The following BCAR3 variants were observed in gnomAD, a reference collection of about 807,000 sequenced individuals.
BCAR3 encodes BCAR3 adaptor protein, NSP family member.
A neutral mutation model predicts 80.1 loss-of-function variants in BCAR3; 37 were observed. The ratio of observed to expected loss-of-function variants is 0.46; its 90% CI spans 0.36 to 0.61. The LOEUF is 0.61. Among genes scored for constraint, BCAR3 ranks in the 20% least tolerant of loss-of-function variants. The pLI is 0.00. For synonymous variants in BCAR3, 389 were observed against 418.9 expected (o/e 0.93, Z 0.87); for missense variants, 978 against 1,068.2 (o/e 0.92, Z 1.18).
intron 2 of BCAR3, among the ~76,000 whole-genome samples, chr1:93,803,375 C>T (rs1653554392): frequency 6.6e-6 from 1 of 152,172 alleles, no homozygotes; most frequent in Non-Finnish European, 1.5e-5. Flanking sequence ...GACCTGTTTC[C>T]TTTCTTCCTT....
chr1:93,694,825 C>T (rs915916441), intron 3 of BCAR3, among the ~76,000 whole-genome samples: 1 of 152,232 alleles, frequency 6.6e-6, no homozygotes, highest in African/African-American at 2.4e-5. Flanking sequence ...CCTAATTCAC[C>T]CTGGAAATGG....
In BCAR3 at chr1:93,592,239, G is replaced by A. The variant is rs1030713903; in HGVS notation, c.486+26C>T. 18 of 1,612,988 alleles carry A rather than the reference G, an allele frequency of 1.1e-5. No individual in the cohort carries two copies. The highest frequency in any genetic ancestry group is 1.4e-5 in the Non-Finnish European group (16 of 1,179,966). On this transcript the variant is annotated intron_variant, in intron 4 of 11. Transcript: ENST00000260502. This position sits in a 1 kb window ranked among gnomAD's most constrained non-coding sequence, Gnocchi z 4.8. The stretch of plus-strand genomic sequence containing the variant: ...ACATTGCCTGAGAGCAGCCGTGTAT[G>A]CTCTGGAAGGGACAAGACCAGGTAC...
chr1:93,648,955 GAC>G (rs1166346365), intron 2 of BCAR3: 1 of 152,274 alleles, frequency 6.6e-6, no homozygotes, highest in African/African-American at 2.4e-5. Flanking sequence ...TCCACAGTGA[GAC>G]TGACTGCTCT....
chr1:93,817,784 C>T (rs908402384), intron 2 of BCAR3, among the ~76,000 whole-genome samples: 1 of 152,060 alleles, frequency 6.6e-6, no homozygotes, highest in African/African-American at 2.4e-5. Flanking sequence ...CTGACTAGCC[C>T]TGTTTACCCC....
intron 2 of BCAR3, among the ~76,000 whole-genome samples, chr1:93,708,363 T>C (rs1649897859): frequency 6.6e-6 from 1 of 152,120 alleles, no homozygotes; most frequent in Non-Finnish European, 1.5e-5. Flanking sequence ...GTAGGATGAG[T>C]CCAAAAACCA....
intron 2 of BCAR3, among the ~76,000 whole-genome samples, chr1:93,766,386 A>G (rs1287879316): frequency 6.6e-6 from 1 of 152,244 alleles, no homozygotes; most frequent in Non-Finnish European, 1.5e-5. Context: ...TGTGCTGGGC[A>G]GTCTTGGAGA....
intron 3 of BCAR3, among the ~76,000 whole-genome samples, chr1:93,605,834 C>T (rs1390406730): frequency 6.6e-6 from 1 of 152,072 alleles, no homozygotes; most frequent in African/African-American, 2.4e-5. Flanking sequence ...CAAAATGCAC[C>T]GTAGTTGAAA....
At chr1:93,846,419 T>C (rs879709245) in intron 1 of BCAR3, among the ~76,000 whole-genome samples, 1 of 150,994 alleles carries the variant, frequency 6.6e-6, no homozygotes, top group Non-Finnish European at 1.5e-5. Flanking sequence ...GGCCGGGCGT[T>C]CGGTCTCGCC....
intron 2 of BCAR3, among the ~76,000 whole-genome samples, chr1:93,777,520 CTCT>C (rs1571120301): frequency 6.6e-6 from 1 of 151,204 alleles, no homozygotes; most frequent in South Asian, 2.1e-4. Flanking sequence ...CCACCTCTTC[CTCT>C]TCTTCTTTCC....
intron 2 of BCAR3, among the ~76,000 whole-genome samples, chr1:93,647,276 C>T (rs1313586871): frequency 6.6e-6 from 1 of 152,152 alleles, no homozygotes; most frequent in Non-Finnish European, 1.5e-5. Flanking sequence ...CCCACAGAAT[C>T]ATAGGACTGT....
chr1:93,819,928 C>T (rs1644956661), intron 2 of BCAR3, among the ~76,000 whole-genome samples: 2 of 152,128 alleles, frequency 1.3e-5, no homozygotes, highest in African/African-American at 4.8e-5. Flanking sequence ...TATCCTCCAC[C>T]CTCAAGTAGG....
At chr1:93,830,836 C>T (rs184084704) in intron 2 of BCAR3, among the ~76,000 whole-genome samples, 2 of 152,270 alleles carry the variant, frequency 1.3e-5, no homozygotes, top group East Asian at 3.9e-4. Context: ...CCACCTACCA[C>T]CTCAGGTCTT....
At chr1:93,668,599 G>A (rs969028466) in intron 2 of BCAR3, among the ~76,000 whole-genome samples, 1 of 152,046 alleles carries the variant, frequency 6.6e-6, no homozygotes, top group African/African-American at 2.4e-5. Context: ...TTCAACCCAT[G>A]GACTATTACT....
rs1032298687 is a variant in BCAR3 at position 93,758,031 on chromosome 1, G to T, written c.-62-51889C>A. 5.3e-5 allele frequency among the ~76,000 whole-genome samples: 8 copies of T among 152,318 alleles called. No homozygotes were observed. In the South Asian group the frequency reaches 6.2e-4, roughly 12 times the overall value. On this transcript the variant is annotated intron_variant, in intron 2 of 13. Transcript: ENST00000370244. ...TATCTTGAATGGAGGGAAAGGAGGA[G>T]CCCTTGGTACTGCTGCATCGTCCAC... is the stretch of plus-strand genomic sequence containing the variant.
chr1:93,585,850 C>T (rs1365185188), intron 5 of BCAR3, among the ~76,000 whole-genome samples: 1 of 152,130 alleles, frequency 6.6e-6, no homozygotes, highest in East Asian at 1.9e-4. Context: ...GCAATCCTCC[C>T]ACCTCAGCCT....
chr1:93,693,532 T>C (rs1053670585), intron 3 of BCAR3, among the ~76,000 whole-genome samples: 1 of 152,200 alleles, frequency 6.6e-6, no homozygotes, highest in Non-Finnish European at 1.5e-5. Flanking sequence ...CATTGGCCTT[T>C]CTTGTGGACT....
intron 2 of BCAR3, among the ~76,000 whole-genome samples, chr1:93,666,459 G>A (rs1487999481): frequency 6.6e-6 from 1 of 152,128 alleles, no homozygotes; most frequent in African/African-American, 2.4e-5. Flanking sequence ...GGGGTCCTCT[G>A]ATGTTGTATC....
intron 3 of BCAR3, among the ~76,000 whole-genome samples, chr1:93,692,285 T>C (rs1408459804): frequency 1.3e-5 from 2 of 152,174 alleles, no homozygotes; most frequent in East Asian, 3.9e-4. Flanking sequence ...ACAGCTGCTG[T>C]GGGGCACTGC....
chr1:93,656,855 G>A (rs2101925935), intron 2 of BCAR3, among the ~76,000 whole-genome samples: 1 of 152,240 alleles, frequency 6.6e-6, no homozygotes, highest in Admixed American at 6.5e-5. Flanking sequence ...ACAGATATGA[G>A]CCACTGCACC....
Sources: gnomAD v4.1 joint callset for allele counts (sites outside exome capture counted in the v4.1 genomes callset) on GRCh38, gnomAD v4.1.1 for gene constraint, Gnocchi (gnomAD v3.1) non-coding constraint, MANE v1.5 for transcripts, NCBI Gene and HGNC (gene_info 2026-07-23, HGNC 2026-07-21) for gene names.